Variants in CMTR1 observed in about 807,000 individuals in gnomAD.
CMTR1 encodes cap-specific mRNA (nucleoside-2'-O-)-methyltransferase 1.
In CMTR1, 39 loss-of-function variants were observed where a neutral mutation model predicts 107.0. That is an observed-to-expected ratio of 0.36 (90% CI 0.28 to 0.48). The LOEUF (loss-of-function observed/expected upper bound fraction) is 0.48, where lower values mean the gene tolerates loss of function less well. Ranked by LOEUF, CMTR1 falls within the 20% of genes least tolerant of loss-of-function variation. CMTR1 has a pLI of 0.99. For missense variants in CMTR1, 672 were observed against 1,064.9 expected (o/e 0.63, Z 5.14); for synonymous variants, 366 against 379.5 (o/e 0.96, Z 0.41).
intron 2 of CMTR1, among the ~76,000 whole-genome samples, chr6:37,439,195 T>C (rs1442530841): frequency 1.3e-5 from 2 of 152,246 alleles, no homozygotes; most frequent in Non-Finnish European, 2.9e-5. Flanking sequence ...TCATGGCCAC[T>C]GTTGCATCGT....
At chr6:37,475,860 A>G in intron 19 of CMTR1, 1 of 523,066 alleles carries the variant, frequency 1.9e-6, no homozygotes, top group Non-Finnish European at 3.5e-6. Context: ...AGTGGAGGTG[A>G]CTGAGCACAG....
At position 37,461,692 on chromosome 6, in the gene CMTR1, C is replaced by T. The variant is rs899188244; in HGVS notation, c.1192+47C>T. 4.1e-5 allele frequency: 51 copies of T among 1,254,776 alleles called. No homozygotes were observed. In the East Asian group the frequency reaches 1.0e-3, roughly 25 times the overall value. 77.7% of individuals were successfully genotyped at this position (1,254,776 alleles called of 1,614,324 possible). A position where few individuals can be genotyped will look rare whatever the true frequency, so the allele number is the denominator to read the frequency against. On this transcript the variant is annotated intron_variant, in intron 11 of 23. Transcript: ENST00000373451. ...CCTCACCCCAGGACCCACTTAGAGG[C>T]CCTATTGGACAAGAACATGTACAAG...
intron 14 of CMTR1, 151 bp downstream of exon 14, chr6:37,471,228 A>G (rs1293439635): frequency 1.0e-5 from 7 of 667,920 alleles, no homozygotes; most frequent in Non-Finnish European, 5.0e-6. Flanking sequence ...AGGATGCCAG[A>G]GAAGCATATG....
At chr6:37,479,416 C>T (rs1761809868) in intron 23 of CMTR1, among the ~76,000 whole-genome samples, 161 bp downstream of exon 23, 1 of 152,228 alleles carries the variant, frequency 6.6e-6, no homozygotes, top group Non-Finnish European at 1.5e-5. Flanking sequence ...GATGGCAGCC[C>T]CCTGCAGGTG....
At position 37,475,508 on chromosome 6, in the gene CMTR1, T is replaced by C. The variant is rs759707461; in HGVS notation, c.2036+96T>C. The C allele has an allele frequency of 1.0e-5, 10 of 977,960 alleles. No individual in the cohort carries two copies. The South Asian group carries it at 1.2e-4, about 11-fold the overall frequency. 60.6% of individuals were successfully genotyped at this position (977,960 alleles called of 1,614,324 possible). ...GAGGTGTGGCCCCTTATCTAGGCCT[T>C]CTCTGCTTGTTGACATCCTGAGAGT... On this transcript the variant is annotated intron_variant, in intron 19 of 23. Coordinates refer to ENST00000373451, the MANE Select transcript of CMTR1 (RefSeq NM_015050.3).
intron 6 of CMTR1, among the ~76,000 whole-genome samples, 174 bp downstream of exon 6, chr6:37,452,051 C>A (rs189709455): frequency 2.3e-4 from 35 of 152,256 alleles, no homozygotes; most frequent in Non-Finnish European, 4.3e-4. Context: ...GGTGACTGTT[C>A]TGCCCTGTGG....
At position 37,480,338 on chromosome 6, in the gene CMTR1, C is replaced by CCCAGAGAA. The variant is rs545799182; in HGVS notation, c.*194_*195insCAGAGAAC. ...GGGCCCTGCAGAGAACACTCATGTTCCTTCTGGGACACCTGCCTGGGAACT... is the reference window on the plus strand; with the variant it reads ...GGGCCCTGCAGAGAACACTCATGTTCCCAGAGAACTTCTGGGACACCTGCCTGGGAACT... On this transcript the variant is annotated 3_prime_UTR_variant, in exon 24 of 24. Coordinates refer to ENST00000373451, the MANE Select transcript of CMTR1 (RefSeq NM_015050.3). The CCCAGAGAA allele has an allele frequency of 5.9e-4, 815 of 1,373,140 alleles. 4 individuals are homozygous for CCCAGAGAA. In the African/African-American group the frequency reaches 0.012, roughly 20 times the overall value. The allele number at this position is 1,373,140 out of a possible 1,614,324, so 85.1% of individuals were successfully genotyped here.
intron 3 of CMTR1, 83 bp from the exon 4 acceptor site, chr6:37,446,208 T>A (rs1421057100): frequency 7.0e-7 from 1 of 1,422,482 alleles, no homozygotes; most frequent in Non-Finnish European, 9.7e-7. Context: ...TCTTAGGATT[T>A]AGCACACTGT....
At chr6:37,434,557 C>A (rs1243451329) in intron 1 of CMTR1, among the ~76,000 whole-genome samples, 5 of 152,080 alleles carry the variant, frequency 3.3e-5, no homozygotes, top group Admixed American at 3.3e-4. Context: ...TTATTTTTTT[C>A]TCGTGCTTAT....
At chr6:37,430,182 GTTCT>G (rs1771343354), upstream of CMTR1, among the ~76,000 whole-genome samples, 1 of 152,130 alleles carries the variant, frequency 6.6e-6, no homozygotes, top group Non-Finnish European at 1.5e-5. Flanking sequence ...TGATTTGACA[GTTCT>G]TTGACTTCTG....
intron 4 of CMTR1, among the ~76,000 whole-genome samples, chr6:37,449,212 T>C (rs1187204936): frequency 6.6e-6 from 1 of 152,042 alleles, no homozygotes; most frequent in Non-Finnish European, 1.5e-5. Flanking sequence ...TCCCAAAGCA[T>C]TGGAATTACA....
chr6:37,471,542 G>A (rs1041984076), intron 14 of CMTR1, among the ~76,000 whole-genome samples: 13 of 152,224 alleles, frequency 8.5e-5, no homozygotes, highest in Non-Finnish European at 1.3e-4. Context: ...AGAACATGCT[G>A]ATGGGTGATT....
Position 37,480,549 on chromosome 6 carries a change from C to G in CMTR1, c.*404C>G, listed in dbSNP as rs1761833217. 1.5e-5 allele frequency: 16 copies of G among 1,047,828 alleles called. No individual in the cohort carries two copies. Among genetic ancestry groups the G allele is most frequent in the Admixed American group, 5.3e-5 (1 of 18,890 alleles). 64.9% of individuals were successfully genotyped at this position (1,047,828 alleles called of 1,614,324 possible). A position where few individuals can be genotyped will look rare whatever the true frequency, so the allele number is the denominator to read the frequency against. On this transcript the variant is annotated 3_prime_UTR_variant, in exon 24 of 24. Transcript: ENST00000373451. ...GCACTGCCCTGAGGGTAGCCATGCC[C>G]TTGCTTTGCCCAACTTTTTATTGGG...
rs1761780871 is a variant in CMTR1, at chr6:37,478,307, C to G, written c.2154-102C>G. 9 of 918,378 alleles carry G rather than the reference C, an allele frequency of 9.8e-6. No homozygotes were observed. In the Admixed American group the frequency reaches 1.7e-4, roughly 17 times the overall value. The allele number at this position is 918,378 out of a possible 1,614,324, so 56.9% of individuals were successfully genotyped here. A position where few individuals can be genotyped will look rare whatever the true frequency, so the allele number is the denominator to read the frequency against. Reference sequence around the variant, plus strand: ...GCCTCAGTTTCATCTTAAGTCAAACCAGGATCAGATACTGCAGTTGGGGTG... The same window carrying G: ...GCCTCAGTTTCATCTTAAGTCAAACGAGGATCAGATACTGCAGTTGGGGTG... On this transcript the variant is annotated intron_variant, in intron 21 of 23. Transcript: ENST00000373451.
intron 13 of CMTR1, among the ~76,000 whole-genome samples, chr6:37,470,537 G>A (rs928362205): frequency 3.9e-5 from 6 of 152,136 alleles, no homozygotes; most frequent in African/African-American, 1.4e-4. Context: ...GGCCATCTCC[G>A]GGTCTTGTTC....
chr6:37,445,894 A>G (rs1771783990), intron 3 of CMTR1, among the ~76,000 whole-genome samples: 1 of 152,174 alleles, frequency 6.6e-6, no homozygotes, highest in South Asian at 2.1e-4. Context: ...GGATAAGGGT[A>G]AGGTAGAAGT....
At chr6:37,447,840 C>T (rs1334960975) in intron 4 of CMTR1, among the ~76,000 whole-genome samples, 1 of 151,274 alleles carries the variant, frequency 6.6e-6, no homozygotes, top group African/African-American at 2.4e-5. Context: ...AGCCTTCCAG[C>T]CTGGGCAACA....
At chr6:37,438,424 TTGTATG>T (rs2113863118) in intron 2 of CMTR1, among the ~76,000 whole-genome samples, 1 of 152,170 alleles carries the variant, frequency 6.6e-6, no homozygotes, top group East Asian at 1.9e-4. Flanking sequence ...GTCCAGTTCC[TTGTATG>T]TGTCTGGCAA....
rs926916013 is a variant in CMTR1 at position 37,458,001 on chromosome 6, A to G, written c.778-611A>G. On this transcript the variant is annotated intron_variant, in intron 8 of 23. Transcript: ENST00000373451. This position sits in a 1 kb window ranked among gnomAD's most constrained non-coding sequence, Gnocchi z 4.7. ...CAGTAGGACTCTTGAAAGGCAGGAT[A>G]TGGTGAGGAAAACACTCTGAGAGAT... Among the ~76,000 whole-genome samples the G allele has an allele frequency of 6.6e-6, 1 of 152,104 alleles. No individual in the cohort carries two copies. The highest frequency in any genetic ancestry group is 1.5e-5 in the Non-Finnish European group (1 of 68,028).
Sources: gnomAD v4.1 joint callset for allele counts (sites outside exome capture counted in the v4.1 genomes callset) on GRCh38, gnomAD v4.1.1 for gene constraint, Gnocchi (gnomAD v3.1) non-coding constraint, MANE v1.5 for transcripts, NCBI Gene and HGNC (gene_info 2026-07-23, HGNC 2026-07-21) for gene names.